LUZP1: variants seen among roughly 807,000 people sequenced by gnomAD.
The protein encoded by LUZP1 is filamin mechanobinding actin cross-linking protein.
Under a neutral mutation model 71.3 loss-of-function variants are expected in LUZP1, and 25 were observed. That is an observed-to-expected ratio of 0.35 (90% CI 0.26 to 0.49). LUZP1 has a LOEUF of 0.49. Among genes scored for constraint, LUZP1 ranks in the 20% least tolerant of loss-of-function variants. The pLI, the probability that LUZP1 is intolerant of heterozygous loss-of-function variation, is 0.99. For synonymous variants in LUZP1, 481 were observed against 506.4 expected (o/e 0.95, Z 0.67); for missense variants, 1,142 against 1,300.8 (o/e 0.88, Z 1.88).
intron 2 of LUZP1, among the ~76,000 whole-genome samples, chr1:23,144,770 G>C (rs1224923615): frequency 6.6e-6 from 1 of 152,098 alleles, no homozygotes. Flanking sequence ...GGTTAGTCCT[G>C]CTTATATAAG....
At chr1:23,142,122 A>AG (rs1297856944) in intron 2 of LUZP1, among the ~76,000 whole-genome samples, 5 of 152,126 alleles carry the variant, frequency 3.3e-5, no homozygotes, top group Non-Finnish European at 7.4e-5. Flanking sequence ...CTGGGATTAC[A>AG]GGCATGAGCC....
intron 1 of LUZP1, among the ~76,000 whole-genome samples, chr1:23,171,416 TTCTC>T (rs1354431774): frequency 6.6e-6 from 1 of 152,138 alleles, no homozygotes; most frequent in Non-Finnish European, 1.5e-5. Context: ...CAGCGTGTAG[TTCTC>T]TCTGAGAGTT....
In LUZP1 at chr1:23,137,427, G is replaced by C. The variant is rs530999569; in HGVS notation, c.-225-28300C>G. On this transcript the variant is annotated intron_variant, in intron 2 of 4. Transcript: ENST00000302291. ...AGGCTGAGGCAGGTGGATTACCTGA[G>C]GTCAGGAGTTCAAAACCAGCCTGGC... is the stretch of plus-strand genomic sequence containing the variant. Among the ~76,000 whole-genome samples, 10 of 152,250 alleles carry C rather than the reference G, an allele frequency of 6.6e-5. No homozygotes were observed. The East Asian group carries it at 1.9e-3, about 29-fold the overall frequency.
At chr1:23,084,952 C>T (rs1643739741) in exon 5 of LUZP1, 1 of 152,712 alleles carries the variant, frequency 6.5e-6, no homozygotes, top group Non-Finnish European at 1.5e-5. Context: ...GCATCACAGA[C>T]TCGCACAGAG....
exon 5 of LUZP1, chr1:23,084,891 C>T (rs907556741): frequency 6.6e-6 from 1 of 152,576 alleles, no homozygotes; most frequent in Non-Finnish European, 1.5e-5. Context: ...ACTAGAGCTG[C>T]GCCAACGCAT....
At chr1:23,098,295 G>A (rs531169134) in intron 3 of LUZP1, among the ~76,000 whole-genome samples, 1 of 152,312 alleles carries the variant, frequency 6.6e-6, no homozygotes, top group Admixed American at 6.5e-5. Context: ...AGGTCCCAAG[G>A]GGACTTGAAG....
At chr1:23,137,859 T>C (rs893067205) in intron 2 of LUZP1, among the ~76,000 whole-genome samples, 3 of 152,166 alleles carry the variant, frequency 2.0e-5, no homozygotes, top group African/African-American at 7.2e-5. Flanking sequence ...AGGAATTACA[T>C]CCCCAAAAAT....
intron 2 of LUZP1, among the ~76,000 whole-genome samples, chr1:23,137,551 G>A (rs1644264913): frequency 6.6e-6 from 1 of 152,064 alleles, no homozygotes; most frequent in African/African-American, 2.4e-5. Flanking sequence ...TGAGGCAGGA[G>A]AACTGCTTGA....
At chr1:23,148,992 G>A (rs1174413524) in intron 2 of LUZP1, among the ~76,000 whole-genome samples, 1 of 144,690 alleles carries the variant, frequency 6.9e-6, no homozygotes, top group Non-Finnish European at 1.5e-5. Context: ...GAGGTTGGAG[G>A]ATCACTTGAG....
chr1:23,147,468 C>T (rs537710386), intron 2 of LUZP1, among the ~76,000 whole-genome samples: 5 of 150,446 alleles, frequency 3.3e-5, no homozygotes, highest in Admixed American at 2.6e-4. Context: ...AAAAGAAATG[C>T]TTAATGCTTT....
intron 3 of LUZP1, among the ~76,000 whole-genome samples, chr1:23,097,721 A>G (rs1177836154): frequency 2.0e-5 from 3 of 152,210 alleles, no homozygotes; most frequent in African/African-American, 7.2e-5. Context: ...ATACACCTGT[A>G]GTCCCAGCTA....
chr1:23,117,518 G>GT (rs1557654141), intron 2 of LUZP1, among the ~76,000 whole-genome samples: 3 of 71,924 alleles, frequency 4.2e-5, no homozygotes, highest in African/African-American at 1.9e-4. Flanking sequence ...GGGGGGGGGG[G>GT]CGGGGGGGGG....
At chr1:23,166,073 A>G (rs1190636319) in intron 2 of LUZP1, among the ~76,000 whole-genome samples, 1 of 152,104 alleles carries the variant, frequency 6.6e-6, no homozygotes, top group Non-Finnish European at 1.5e-5. Context: ...AAAGAAAAGA[A>G]AAACAGCACA....
chr1:23,097,660 C>G (rs191935350), intron 3 of LUZP1, among the ~76,000 whole-genome samples: 1 of 152,116 alleles, frequency 6.6e-6, no homozygotes, highest in Non-Finnish European at 1.5e-5. Flanking sequence ...CAGTAAGATC[C>G]CGTCTCTATA....
At chr1:23,087,603 C>G (rs191305246) in exon 5 of LUZP1, 90 of 152,696 alleles carry the variant, frequency 5.9e-4, no homozygotes, top group African/African-American at 2.1e-3. Flanking sequence ...TAAAGGTAGC[C>G]TTTGAAAGAG....
intron 2 of LUZP1, among the ~76,000 whole-genome samples, chr1:23,151,411 A>T (rs913710872): frequency 3.9e-5 from 6 of 152,282 alleles, no homozygotes; most frequent in Admixed American, 3.9e-4. Flanking sequence ...AACACCAGTT[A>T]ATATTTAGTT....
intron 1 of LUZP1, among the ~76,000 whole-genome samples, chr1:23,170,920 G>A (rs1644548735): frequency 2.6e-5 from 4 of 151,578 alleles, no homozygotes; most frequent in East Asian, 2.0e-4. Flanking sequence ...GCAAAACCCC[G>A]TCTTTACAAA....
chr1:23,127,050 C>G (rs1644177525), intron 2 of LUZP1, among the ~76,000 whole-genome samples: 1 of 152,212 alleles, frequency 6.6e-6, no homozygotes, highest in East Asian at 1.9e-4. Flanking sequence ...TCACTTCGCT[C>G]TATTCTGCAT....
At chr1:23,110,593 C>T (rs1010229575) in intron 2 of LUZP1, among the ~76,000 whole-genome samples, 1 of 151,586 alleles carries the variant, frequency 6.6e-6, no homozygotes, top group East Asian at 1.9e-4. Flanking sequence ...TGCACACATG[C>T]ACACATACCT....
Sources: allele counts gnomAD v4.1 joint callset (sites outside exome capture counted in the v4.1 genomes callset), GRCh38; gene constraint gnomAD v4.1.1; transcripts MANE v1.5; gene names NCBI Gene and HGNC (gene_info 2026-07-23, HGNC 2026-07-21).